GRIA4: variants seen among roughly 807,000 people sequenced by gnomAD.
The protein encoded by GRIA4 is glutamate receptor 4.
Under a neutral mutation model 104.0 loss-of-function variants are expected in GRIA4, and 34 were observed. That is an observed-to-expected ratio of 0.33 (90% CI 0.25 to 0.44). The LOEUF (loss-of-function observed/expected upper bound fraction) is 0.44, where lower values mean the gene tolerates loss of function less well. Among genes scored for constraint, GRIA4 ranks in the 20% least tolerant of loss-of-function variants. The pLI is 1.00. For synonymous variants in GRIA4, 386 were observed against 381.9 expected (o/e 1.01, Z -0.13); for missense variants, 750 against 1,096.5 (o/e 0.68, Z 4.46).
intron 4 of GRIA4, among the ~76,000 whole-genome samples, chr11:105,776,107 C>G (rs1010912246): frequency 6.6e-6 from 1 of 151,740 alleles, no homozygotes; most frequent in African/African-American, 2.4e-5. Flanking sequence ...ATTATTTTTC[C>G]CATTTCGAAG....
At chr11:105,636,138 T>G (rs1017879153) in intron 3 of GRIA4, among the ~76,000 whole-genome samples, 3 of 152,054 alleles carry the variant, frequency 2.0e-5, no homozygotes, top group Admixed American at 2.0e-4. Context: ...ACAAAAAGAG[T>G]AAAAGACAAG....
chr11:105,842,000 T>G lies in GRIA4; in HGVS notation c.488-20024T>G, dbSNP rs144132749. Among the ~76,000 whole-genome samples the G allele has an allele frequency of 8.2e-4, 125 of 152,326 alleles. 1 individual carries two copies. The East Asian group carries it at 0.018, about 22-fold the overall frequency. ...ATAAGTGGGGTGTTTTTTAATTTTT[T>G]AAATTTACTTTTTCACATCAAGTCC... On this transcript the variant is annotated intron_variant, in intron 4 of 16. Coordinates refer to ENST00000282499, the MANE Select transcript of GRIA4 (RefSeq NM_000829.4).
chr11:105,839,064 T>C (rs1944293665), intron 4 of GRIA4, among the ~76,000 whole-genome samples: 1 of 152,072 alleles, frequency 6.6e-6, no homozygotes, highest in African/African-American at 2.4e-5. Context: ...CCCCCATCCA[T>C]GCATGCACCG....
chr11:105,644,220 G>T (rs1451995492), intron 3 of GRIA4, among the ~76,000 whole-genome samples: 1 of 152,156 alleles, frequency 6.6e-6, no homozygotes, highest in African/African-American at 2.4e-5. Context: ...TGACTACCAT[G>T]CTATGAGGTC....
intron 3 of GRIA4, among the ~76,000 whole-genome samples, chr11:105,685,151 GAGGGAGGAAGGA>G (rs1286157956): frequency 7.1e-6 from 1 of 141,602 alleles, no homozygotes; most frequent in Non-Finnish European, 1.6e-5. Flanking sequence ...GGGAGGGAAG[GAGGGAGGAAGGA>G]AGGGAGGGAG....
At chr11:105,867,030 T>C (rs1219140175) in intron 5 of GRIA4, among the ~76,000 whole-genome samples, 2 of 152,148 alleles carry the variant, frequency 1.3e-5, no homozygotes, top group East Asian at 1.9e-4. Flanking sequence ...CCAGATTTAA[T>C]TGGAACCCCT....
rs992507674 is a variant in GRIA4 at position 105,696,677 on chromosome 11, A to G, written c.248-56304A>G. 2.6e-5 allele frequency among the ~76,000 whole-genome samples: 4 copies of G among 152,278 alleles called. No individual in the cohort carries two copies. In the South Asian group the frequency reaches 8.3e-4, roughly 32 times the overall value. ...TAATTAATTGAAATGTTTGCACCTG[A>G]AAAGGATTTTTAAGGTTTATTTTAT... On this transcript the variant is annotated intron_variant, in intron 3 of 16. Coordinates refer to ENST00000282499, the MANE Select transcript of GRIA4 (RefSeq NM_000829.4).
Position 105,694,367 on chromosome 11 carries a change from T to C in GRIA4, c.248-58614T>C, listed in dbSNP as rs183663549. ...TTTCACCATGTTGGCCAGGATGGTC[T>C]TGATCTCTTGACCTCGTGATCCACC... On this transcript the variant is annotated intron_variant, in intron 3 of 16. Coordinates refer to ENST00000282499, the MANE Select transcript of GRIA4 (RefSeq NM_000829.4). Among the ~76,000 whole-genome samples, 43 of 152,198 alleles carry C rather than the reference T, an allele frequency of 2.8e-4. 1 individual carries two copies. The highest frequency in any genetic ancestry group is 8.7e-4 in the African/African-American group (36 of 41,514).
chr11:105,925,820 A>G lies in GRIA4; in HGVS notation c.1848-921A>G, dbSNP rs554777000. 7.2e-5 allele frequency among the ~76,000 whole-genome samples: 11 copies of G among 152,260 alleles called. No individual in the cohort carries two copies. In the East Asian group the frequency reaches 2.1e-3, roughly 29 times the overall value. On this transcript the variant is annotated intron_variant, in intron 12 of 16. Transcript: ENST00000282499. ...GGAGTATTTTAACTTTGGAAATGCT[A>G]TGAAAAATATGAAATCATTCTTCAA...
intron 5 of GRIA4, among the ~76,000 whole-genome samples, chr11:105,869,527 T>A (rs191655805): frequency 2.0e-5 from 3 of 152,196 alleles, no homozygotes; most frequent in South Asian, 4.1e-4. Flanking sequence ...GAGGATAACA[T>A]CATAATTATT....
At position 105,851,870 on chromosome 11, in the gene GRIA4, G is replaced by A. The variant is rs557906575; in HGVS notation, c.488-10154G>A. Among the ~76,000 whole-genome samples, 29 of 152,122 alleles carry A rather than the reference G, an allele frequency of 1.9e-4. No homozygotes were observed. The East Asian group carries it at 5.6e-3, about 29-fold the overall frequency. ...TTGTCCTTCTATTATAAATGTATTT[G>A]TGTATTACTTCTTGTCTGCCTCAGC... On this transcript the variant is annotated intron_variant, in intron 4 of 16. Transcript: ENST00000282499.
chr11:105,637,527 A>C (rs1951238840), intron 3 of GRIA4, among the ~76,000 whole-genome samples: 1 of 152,212 alleles, frequency 6.6e-6, no homozygotes, highest in Non-Finnish European at 1.5e-5. Context: ...ACTGCAGAGA[A>C]TTCAAAGAAA....
chr11:105,611,450 A>T (rs942841891), intron 2 of GRIA4, among the ~76,000 whole-genome samples: 1 of 151,888 alleles, frequency 6.6e-6, no homozygotes, highest in African/African-American at 2.4e-5. Flanking sequence ...GAGTTTGTTT[A>T]AAAAAGAAAA....
chr11:105,946,594 T>C (rs1179044617), intron 14 of GRIA4, among the ~76,000 whole-genome samples: 1 of 151,030 alleles, frequency 6.6e-6, no homozygotes, highest in Non-Finnish European at 1.5e-5. Flanking sequence ...TCAAAAAAAA[T>C]AAATAAAAGC....
At chr11:105,620,578 A>G (rs1275692744) in intron 3 of GRIA4, among the ~76,000 whole-genome samples, 1 of 151,832 alleles carries the variant, frequency 6.6e-6, no homozygotes, top group Non-Finnish European at 1.5e-5. Flanking sequence ...TACCTCTGTC[A>G]CAACTTTTAC....
intron 3 of GRIA4, among the ~76,000 whole-genome samples, chr11:105,663,401 G>C (rs35103758): frequency 1.4e-3 from 215 of 151,924 alleles, no homozygotes; most frequent in Non-Finnish European, 2.3e-3. Context: ...CAGGTACTGA[G>C]CTCTACAGAT....
intron 3 of GRIA4, among the ~76,000 whole-genome samples, chr11:105,658,560 A>C (rs1951910958): frequency 6.6e-6 from 1 of 151,894 alleles, no homozygotes; most frequent in Non-Finnish European, 1.5e-5. Flanking sequence ...ATCCAAATAT[A>C]AGTAATATCA....
chr11:105,754,092 G>C (rs566987687), intron 4 of GRIA4, among the ~76,000 whole-genome samples: 1 of 152,196 alleles, frequency 6.6e-6, no homozygotes, highest in African/African-American at 2.4e-5. Context: ...GGGGCTAAAA[G>C]TCCCAACCCT....
chr11:105,845,673 GGAGATA>G (rs2135972644), intron 4 of GRIA4, among the ~76,000 whole-genome samples: 1 of 152,274 alleles, frequency 6.6e-6, no homozygotes, highest in Non-Finnish European at 1.5e-5. Context: ...CGCGAGGTCA[GGAGATA>G]GAGACCATCC....
Sources: allele counts gnomAD v4.1 joint callset (sites outside exome capture counted in the v4.1 genomes callset), GRCh38; gene constraint gnomAD v4.1.1; transcripts MANE v1.5; gene names NCBI Gene and HGNC (gene_info 2026-07-23, HGNC 2026-07-21).